ESRRB: variants seen among roughly 807,000 people sequenced by gnomAD.
The protein encoded by ESRRB is estrogen related receptor beta.
ESRRB carries 16 observed loss-of-function variants against 46.0 expected under a neutral mutation model. The observed-to-expected ratio is 0.35, with a 90% CI of 0.24 to 0.53. The LOEUF (loss-of-function observed/expected upper bound fraction) is 0.53. Ranked by LOEUF, ESRRB falls within the 20% of genes least tolerant of loss-of-function variation. The pLI is 0.93. For synonymous variants in ESRRB, 246 were observed against 259.6 expected, an observed-to-expected ratio of 0.95 and a Z score of 0.50; for missense variants, 488 against 607.4, an observed-to-expected ratio of 0.80 and a Z score of 2.07.
At position 76,499,767 on chromosome 14, in the gene ESRRB, G is replaced by A; in HGVS notation, c.*1309G>A. ...ATCCCAGGAAACTCCTCTACCCCAG[G>A]CACACGGGGACAGTGGGTCACTCTA... On this transcript the variant is annotated 3_prime_UTR_variant, in exon 7 of 7. Coordinates refer to ENST00000644823, the MANE Select transcript of ESRRB (RefSeq NM_001379180.1). 1 of 1,062,410 alleles carries A rather than the reference G, an allele frequency of 9.4e-7. No homozygotes were observed. The allele number at this position is 1,062,410 out of a possible 1,614,324, so 65.8% of individuals were successfully genotyped here. A position where few individuals can be genotyped will look rare whatever the true frequency, so the allele number is the denominator to read the frequency against.
intron 1 of ESRRB, among the ~76,000 whole-genome samples, chr14:76,394,135 G>T (rs1595075176): frequency 6.6e-6 from 1 of 152,012 alleles, no homozygotes; most frequent in South Asian, 2.1e-4. Flanking sequence ...AGTACTTCCA[G>T]CTCCTGGCCA....
intron 1 of ESRRB, among the ~76,000 whole-genome samples, chr14:76,422,188 C>A (rs1272315505): frequency 6.6e-6 from 1 of 150,460 alleles, no homozygotes; most frequent in East Asian, 2.0e-4. Flanking sequence ...ACACGCACAG[C>A]CCTTGCCACA....
intron 3 of ESRRB, among the ~76,000 whole-genome samples, chr14:76,466,619 A>G (rs1889121242): frequency 6.6e-6 from 1 of 152,178 alleles, no homozygotes; most frequent in Non-Finnish European, 1.5e-5. Flanking sequence ...TTCAGAGAAA[A>G]GGTAATTTTT....
intron 1 of ESRRB, among the ~76,000 whole-genome samples, chr14:76,328,702 A>C (rs1187201726): frequency 1.3e-5 from 2 of 151,904 alleles, no homozygotes; most frequent in African/African-American, 4.8e-5. Flanking sequence ...CAGACCCTTC[A>C]TGACTCTGCT....
upstream of ESRRB, among the ~76,000 whole-genome samples, chr14:76,369,141 G>A (rs1476083282): frequency 1.3e-5 from 2 of 149,036 alleles, no homozygotes; most frequent in African/African-American, 4.9e-5. Flanking sequence ...AGGTTGCAGT[G>A]AGCTGAGATG....
At chr14:76,338,180 A>G (rs1396024029) in intron 1 of ESRRB, among the ~76,000 whole-genome samples, 1 of 152,224 alleles carries the variant, frequency 6.6e-6, no homozygotes, top group Non-Finnish European at 1.5e-5. Context: ...AGGGTTTGTC[A>G]GGATCTTATC....
chr14:76,458,362 C>T (rs1595138170), intron 2 of ESRRB, among the ~76,000 whole-genome samples: 4 of 151,932 alleles, frequency 2.6e-5, no homozygotes, highest in Non-Finnish European at 4.4e-5. Context: ...GGCAGCTAGC[C>T]GCTGGGGCCA....
intron 1 of ESRRB, among the ~76,000 whole-genome samples, chr14:76,410,476 T>A (rs1886387405): frequency 6.6e-6 from 1 of 152,156 alleles, no homozygotes; most frequent in Admixed American, 6.5e-5. Context: ...CTTACAATAT[T>A]TTCAAAAATT....
intron 1 of ESRRB, among the ~76,000 whole-genome samples, chr14:76,337,779 C>A (rs1185445870): frequency 6.6e-6 from 1 of 151,824 alleles, no homozygotes; most frequent in Non-Finnish European, 1.5e-5. Context: ...TGAGAGCACA[C>A]CCTCTATGAA....
At chr14:76,397,416 G>C (rs1277146287) in intron 1 of ESRRB, among the ~76,000 whole-genome samples, 2 of 152,188 alleles carry the variant, frequency 1.3e-5, no homozygotes, top group Non-Finnish European at 2.9e-5. Flanking sequence ...GCCCTCTGAT[G>C]CTACCCACGC....
At chr14:76,371,611 G>T (rs1884626761), upstream of ESRRB, 1 of 152,268 alleles carries the variant, frequency 6.6e-6, no homozygotes, top group South Asian at 2.1e-4. Flanking sequence ...CATACTGTGG[G>T]TGTTTCTGAA....
intron 6 of ESRRB, among the ~76,000 whole-genome samples, chr14:76,494,234 A>AATTGTAGT (rs1364761435): frequency 6.6e-6 from 1 of 152,152 alleles, no homozygotes; most frequent in Non-Finnish European, 1.5e-5. Context: ...TGAATTCCAA[A>AATTGTAGT]ATTGTAGTGC....
At chr14:76,489,797 G>A (rs1890152802) in intron 5 of ESRRB, among the ~76,000 whole-genome samples, 1 of 152,170 alleles carries the variant, frequency 6.6e-6, no homozygotes, top group Non-Finnish European at 1.5e-5. Flanking sequence ...ATGGATGGGG[G>A]AGACCACACA....
intron 1 of ESRRB, among the ~76,000 whole-genome samples, chr14:76,410,023 A>C (rs1468545704): frequency 6.6e-6 from 1 of 152,168 alleles, no homozygotes; most frequent in Non-Finnish European, 1.5e-5. Flanking sequence ...CAGGAGTTTG[A>C]GACCACCCTG....
chr14:76,422,243 A>C (rs1595101613), intron 1 of ESRRB, among the ~76,000 whole-genome samples: 1 of 118,242 alleles, frequency 8.5e-6, no homozygotes, highest in African/African-American at 3.4e-5. Flanking sequence ...ATGGAGTCTC[A>C]CTCTGTTGCC....
chr14:76,454,083 G>A (rs1040941338), intron 2 of ESRRB, among the ~76,000 whole-genome samples: 2 of 152,154 alleles, frequency 1.3e-5, no homozygotes, highest in Admixed American at 6.5e-5. Context: ...GCAGAGAGAA[G>A]GGAGATGAAA....
At chr14:76,353,644 A>T (rs1264135859) in intron 1 of ESRRB, among the ~76,000 whole-genome samples, 1 of 152,136 alleles carries the variant, frequency 6.6e-6, no homozygotes, top group Non-Finnish European at 1.5e-5. Flanking sequence ...GCGATTAGTG[A>T]CTTGTCCAAG....
intron 2 of ESRRB, among the ~76,000 whole-genome samples, chr14:76,462,127 A>G (rs929910505): frequency 1.3e-5 from 2 of 152,036 alleles, no homozygotes; most frequent in East Asian, 1.9e-4. Context: ...CTTTTCCCAC[A>G]TGTTGGGGTC....
chr14:76,350,017 G>A (rs1884295206), intron 1 of ESRRB, among the ~76,000 whole-genome samples: 2 of 152,138 alleles, frequency 1.3e-5, no homozygotes, highest in African/African-American at 4.8e-5. Flanking sequence ...GTTCCTGTGG[G>A]AGACAAGTAT....
Sources: allele counts gnomAD v4.1 joint callset (sites outside exome capture counted in the v4.1 genomes callset), GRCh38; gene constraint gnomAD v4.1.1; transcripts MANE v1.5; gene names NCBI Gene and HGNC (gene_info 2026-07-23, HGNC 2026-07-21).